SLC25A28: variants seen among roughly 807,000 people sequenced by gnomAD.
The protein encoded by SLC25A28 is solute carrier family 25 member 28, also known as mitoferrin-2.
Under a neutral mutation model 31.9 loss-of-function variants are expected in SLC25A28, and 10 were observed. That is an observed-to-expected ratio of 0.31 (90% CI 0.19 to 0.53). SLC25A28 has a LOEUF of 0.53. Among genes scored for constraint, SLC25A28 ranks in the 20% least tolerant of loss-of-function variants. SLC25A28 has a pLI of 0.95. For missense variants in SLC25A28, 256 were observed against 490.3 expected (o/e 0.52, Z 4.51); for synonymous variants, 208 against 203.6 (o/e 1.02, Z -0.19).
At chr10:99,634,667 A>G in the SLC25A28 span, among the ~76,000 whole-genome samples, 2,181 of 152,320 alleles carry the variant, frequency 0.014, 62 homozygotes, top group African/African-American at 0.049. Context: ...CAAACTAAGA[A>G]CAATCAGTGT....
intron 1 of SLC25A28, chr10:99,616,863 G>T: frequency 1.1e-6 from 1 of 923,036 alleles, no homozygotes; most frequent in African/African-American, 1.8e-5. Context: ...TCTACTTCAT[G>T]AAGTTGCTTC....
intron 1 of SLC25A28, chr10:99,618,778 C>T: frequency 1.0e-6 from 1 of 985,430 alleles, no homozygotes; most frequent in South Asian, 4.7e-5. Flanking sequence ...GCGCTCCCCC[C>T]ATTTCCTTAT....
At chr10:99,642,492 A>T in the SLC25A28 span, among the ~76,000 whole-genome samples, 1,842 of 152,306 alleles carry the variant, frequency 0.012, 45 homozygotes, top group African/African-American at 0.042. Context: ...TTTTCTAAAT[A>T]TACAATCATG....
chr10:99,637,674 C>T, the SLC25A28 span, among the ~76,000 whole-genome samples: 4 of 152,078 alleles, frequency 2.6e-5, no homozygotes, highest in Non-Finnish European at 5.9e-5. Flanking sequence ...AGGAACTCAA[C>T]TCTTTTTACA....
intron 2 of SLC25A28, 152 bp from the exon 3 acceptor site, chr10:99,612,751 A>G: frequency 3.8e-6 from 3 of 796,822 alleles, no homozygotes; most frequent in Non-Finnish European, 6.4e-6. Context: ...ACTGCTCCTA[A>G]ACTCCTGTTT....
chr10:99,636,183 A>G, the SLC25A28 span, among the ~76,000 whole-genome samples: 3 of 152,248 alleles, frequency 2.0e-5, no homozygotes, highest in African/African-American at 4.8e-5. Context: ...TCTATTCAAC[A>G]GCACATGGAA....
At chr10:99,615,001 C>A (rs1255477106) in intron 1 of SLC25A28, among the ~76,000 whole-genome samples, 9 of 152,172 alleles carry the variant, frequency 5.9e-5, no homozygotes, top group Admixed American at 5.2e-4. Flanking sequence ...GCAAGTGATG[C>A]CCAAGTACAG....
At chr10:99,657,120 T>G in the SLC25A28 span, among the ~76,000 whole-genome samples, 2 of 152,232 alleles carry the variant, frequency 1.3e-5, no homozygotes, top group Non-Finnish European at 2.9e-5. Flanking sequence ...GATGTTTCAA[T>G]GAACTTTTGA....
rs768079606 is a variant in SLC25A28 at position 99,612,618 on chromosome 10, C to G, written c.521-19G>C. ...GCCGCACCTGCAAACAAGAAAACAA[C>G]TGCCACATGTAAGGCCAAGAGAGCT... is the stretch of plus-strand genomic sequence containing the variant. On this transcript the variant is annotated intron_variant, in intron 2 of 3. Coordinates refer to ENST00000370495, the MANE Select transcript of SLC25A28 (RefSeq NM_031212.4). 1 of 1,614,168 alleles carries G rather than the reference C, an allele frequency of 6.2e-7. No individual in the cohort carries two copies. Among genetic ancestry groups the G allele is most frequent in the South Asian group, 1.1e-5 (1 of 91,086 alleles).
At chr10:99,642,708 A>G in the SLC25A28 span, among the ~76,000 whole-genome samples, 1 of 152,034 alleles carries the variant, frequency 6.6e-6, no homozygotes, top group South Asian at 2.1e-4. Context: ...GGGTCTGTCA[A>G]AAATAGCTCT....
chr10:99,617,244 T>C, intron 1 of SLC25A28: 1 of 985,378 alleles, frequency 1.0e-6, no homozygotes, highest in Non-Finnish European at 1.2e-6. Context: ...GAAACTGGGA[T>C]TTATCTGGGC....
Position 99,610,696 on chromosome 10 carries a change from AG to A in SLC25A28, c.*152del. The A allele has an allele frequency of 1.0e-5, 9 of 885,690 alleles. No individual in the cohort carries two copies. In the South Asian group the frequency reaches 1.4e-4, roughly 13 times the overall value. 54.9% of individuals were successfully genotyped at this position (885,690 alleles called of 1,614,324 possible). On this transcript the variant is annotated 3_prime_UTR_variant, in exon 4 of 4. Transcript: ENST00000370495. ...AAAGGTGGTGGCAACAGAGGTTGGC[AG>A]GAACTGGTGTTAGTCAAAACACCAA...
At chr10:99,648,684 A>AG in the SLC25A28 span, among the ~76,000 whole-genome samples, 3 of 119,316 alleles carry the variant, frequency 2.5e-5, no homozygotes, top group African/African-American at 6.4e-5. Context: ...ATATATTCCT[A>AG]GGTTTTTTTT....
the SLC25A28 span, among the ~76,000 whole-genome samples, chr10:99,631,030 A>C: frequency 1.3e-5 from 2 of 152,272 alleles, no homozygotes; most frequent in Non-Finnish European, 2.9e-5. Flanking sequence ...AATTTTCTGG[A>C]CAAAGAAAAC....
the SLC25A28 span, among the ~76,000 whole-genome samples, chr10:99,652,592 T>C: frequency 6.6e-6 from 1 of 152,082 alleles, no homozygotes; most frequent in African/African-American, 2.4e-5. Context: ...GTCAGAATCC[T>C]CAAATGACAT....
At chr10:99,615,438 A>T in intron 1 of SLC25A28, 1 of 985,028 alleles carries the variant, frequency 1.0e-6, no homozygotes, top group Non-Finnish European at 1.2e-6. Flanking sequence ...AGAGCATGGG[A>T]GAAAAGAAAC....
the SLC25A28 span, among the ~76,000 whole-genome samples, chr10:99,643,861 T>C: frequency 6.6e-6 from 1 of 152,220 alleles, no homozygotes. Flanking sequence ...TCAGTTTCCA[T>C]GTAGTTGAGT....
At chr10:99,616,607 C>T in intron 1 of SLC25A28, 1 of 985,340 alleles carries the variant, frequency 1.0e-6, no homozygotes, top group South Asian at 4.7e-5. Context: ...TAAAGTTTCT[C>T]TGTGGCTATA....
the SLC25A28 span, among the ~76,000 whole-genome samples, chr10:99,644,539 G>A: frequency 6.7e-4 from 102 of 152,154 alleles, no homozygotes; most frequent in African/African-American, 2.2e-3. Context: ...TAATTGGAGC[G>A]TTTAGCCCAT....
Sources: gnomAD v4.1 joint callset for allele counts (sites outside exome capture counted in the v4.1 genomes callset) on GRCh38, gnomAD v4.1.1 for gene constraint, MANE v1.5 for transcripts, NCBI Gene and HGNC (gene_info 2026-07-23, HGNC 2026-07-21) for gene names.